The following PDE1A variants were observed in gnomAD, a reference collection of about 807,000 sequenced individuals.
PDE1A encodes phosphodiesterase 1A, also known as dual specificity calcium/calmodulin-dependent 3',5'-cyclic nucleotide phosphodiesterase 1A.
A neutral mutation model predicts 61.7 loss-of-function variants in PDE1A; 35 were observed. That is an observed-to-expected ratio of 0.57 (90% CI 0.43 to 0.75). The LOEUF (loss-of-function observed/expected upper bound fraction) is 0.75, where lower values mean the gene tolerates loss of function less well. Among genes scored for constraint, PDE1A ranks in the 30% least tolerant of loss-of-function variants. The pLI is 0.00. For missense variants in PDE1A, 597 were observed against 630.6 expected (o/e 0.95, Z 0.57); for synonymous variants, 232 against 213.2 (o/e 1.09, Z -0.77).
At chr2:182,593,989 C>T in the PDE1A span, among the ~76,000 whole-genome samples, 1 of 152,096 alleles carries the variant, frequency 6.6e-6, no homozygotes, top group East Asian at 1.9e-4. Context: ...TTATCTGTTC[C>T]CTTTGTTACT....
chr2:182,700,920 C>G, the PDE1A span, among the ~76,000 whole-genome samples: 3 of 151,844 alleles, frequency 2.0e-5, no homozygotes, highest in East Asian at 3.9e-4. Context: ...ATATCACACA[C>G]ACACGCAAAA....
At chr2:182,677,303 C>T in the PDE1A span, among the ~76,000 whole-genome samples, 1 of 152,116 alleles carries the variant, frequency 6.6e-6, no homozygotes. Flanking sequence ...TTCCCATTCA[C>T]AATTGCCATA....
Position 182,267,760 on chromosome 2 carries a change from T to G in PDE1A, c.54-3346A>C, listed in dbSNP as rs183151752. On this transcript the variant is annotated intron_variant, in intron 1 of 13. Transcript: ENST00000351439. Reference sequence around the variant, plus strand: ...TATATACAACAATCCTCAACAATCTTATTTCGGCTATTATTTTACTTTCTT... The same window carrying G: ...TATATACAACAATCCTCAACAATCTGATTTCGGCTATTATTTTACTTTCTT... Among the ~76,000 whole-genome samples, 136 of 152,186 alleles carry G rather than the reference T, an allele frequency of 8.9e-4. 1 individual carries two copies. The East Asian group carries it at 0.025, about 28-fold the overall frequency.
chr2:182,464,234 C>A (rs1344575411), intron 2 of PDE1A, among the ~76,000 whole-genome samples: 1 of 152,086 alleles, frequency 6.6e-6, no homozygotes, highest in Non-Finnish European at 1.5e-5. Flanking sequence ...TTCAATGACA[C>A]GTGTTAAAGC....
At chr2:182,537,496 C>T in the PDE1A span, among the ~76,000 whole-genome samples, 6 of 151,754 alleles carry the variant, frequency 4.0e-5, no homozygotes, top group South Asian at 1.0e-3. Flanking sequence ...TGGGACCTGT[C>T]GGGGGATTGG....
At chr2:182,213,119 G>A (rs1288948622) in intron 7 of PDE1A, among the ~76,000 whole-genome samples, 23 of 150,594 alleles carry the variant, frequency 1.5e-4, no homozygotes, top group Non-Finnish European at 2.4e-4. Context: ...CCTGACCCCC[G>A]AGCAGCCTAA....
At chr2:182,555,466 TC>T in the PDE1A span, among the ~76,000 whole-genome samples, 1 of 152,308 alleles carries the variant, frequency 6.6e-6, no homozygotes, top group Middle Eastern at 3.4e-3. Context: ...ATTAACCAAT[TC>T]TTTTTTAAAA....
chr2:182,376,670 G>T (rs1700425286), intron 1 of PDE1A, among the ~76,000 whole-genome samples: 1 of 152,130 alleles, frequency 6.6e-6, no homozygotes, highest in Admixed American at 6.5e-5. Context: ...TTTCAGCAAT[G>T]CCCAACTCTA....
the PDE1A span, among the ~76,000 whole-genome samples, chr2:182,639,561 C>A: frequency 6.6e-6 from 1 of 151,956 alleles, no homozygotes; most frequent in East Asian, 1.9e-4. Flanking sequence ...GAGTAAAATT[C>A]TCTTAGGAAA....
chr2:182,549,148 C>T, the PDE1A span, among the ~76,000 whole-genome samples: 1 of 151,982 alleles, frequency 6.6e-6, no homozygotes, highest in African/African-American at 2.4e-5. Flanking sequence ...AAAAAAATCA[C>T]TTTTATGGAG....
At chr2:182,695,342 C>T in the PDE1A span, among the ~76,000 whole-genome samples, 5 of 152,058 alleles carry the variant, frequency 3.3e-5, no homozygotes, top group African/African-American at 1.2e-4. Flanking sequence ...TGGGAACCAG[C>T]ATGGAAGTAG....
intron 1 of PDE1A, among the ~76,000 whole-genome samples, chr2:182,382,924 TA>T (rs746727302): frequency 6.6e-6 from 1 of 152,174 alleles, no homozygotes; most frequent in Admixed American, 6.5e-5. Flanking sequence ...TATTTAAAAG[TA>T]AGAAATGGTG....
At chr2:182,571,120 T>C in the PDE1A span, among the ~76,000 whole-genome samples, 2 of 152,318 alleles carry the variant, frequency 1.3e-5, no homozygotes, top group East Asian at 1.9e-4. Flanking sequence ...GTAGCTTTTA[T>C]TTTAATGGGT....
chr2:182,324,472 T>A (rs1490090268), intron 1 of PDE1A, among the ~76,000 whole-genome samples: 1 of 152,184 alleles, frequency 6.6e-6, no homozygotes, highest in Non-Finnish European at 1.5e-5. Flanking sequence ...TTAGTTGTCA[T>A]AATTACCTGT....
At chr2:182,440,525 C>G (rs536854187) in intron 2 of PDE1A, among the ~76,000 whole-genome samples, 1 of 152,074 alleles carries the variant, frequency 6.6e-6, no homozygotes, top group South Asian at 2.1e-4. Flanking sequence ...CAGCAAATGC[C>G]TATTGTGTTT....
At chr2:182,624,121 T>C in the PDE1A span, among the ~76,000 whole-genome samples, 1 of 95,130 alleles carries the variant, frequency 1.1e-5, no homozygotes, top group East Asian at 3.3e-4. Flanking sequence ...CGAGACTCCG[T>C]CTCAAAAAAA....
At chr2:182,547,670 C>T in the PDE1A span, among the ~76,000 whole-genome samples, 1 of 152,194 alleles carries the variant, frequency 6.6e-6, no homozygotes, top group Non-Finnish European at 1.5e-5. Flanking sequence ...AATTTACACT[C>T]AGGCAGACTA....
chr2:182,472,175 T>C (rs1235440564), intron 2 of PDE1A, among the ~76,000 whole-genome samples: 1 of 151,778 alleles, frequency 6.6e-6, no homozygotes, highest in Non-Finnish European at 1.5e-5. Context: ...AAAGAAGGAA[T>C]GACCATATGA....
Position 182,388,320 on chromosome 2 carries a change from C to A in PDE1A, c.53+38258G>T, listed in dbSNP as rs563079437. On this transcript the variant is annotated intron_variant, in intron 1 of 13. Transcript: ENST00000351439. ...GGAAACATCAAAGTTAAACTGCAAT[C>A]TAGGCATAACAGATATATACAGAAA... Among the ~76,000 whole-genome samples the A allele has an allele frequency of 2.0e-5, 3 of 152,242 alleles. No homozygotes were observed. The South Asian group carries it at 6.2e-4, about 32-fold the overall frequency.
Sources: allele counts gnomAD v4.1 joint callset (sites outside exome capture counted in the v4.1 genomes callset), GRCh38; gene constraint gnomAD v4.1.1; transcripts MANE v1.5; gene names NCBI Gene and HGNC (gene_info 2026-07-23, HGNC 2026-07-21).